PYURF: variants seen among roughly 807,000 people sequenced by gnomAD.
PYURF encodes the protein PIGY upstream open reading frame.
PYURF carries 9 observed loss-of-function variants against 8.0 expected under a neutral mutation model. The ratio of observed to expected loss-of-function variants is 1.13; its 90% CI spans 0.68 to 1.97. The LOEUF (loss-of-function observed/expected upper bound fraction) is 1.97, where lower values mean the gene tolerates loss of function less well. Ranked by LOEUF, PYURF falls within the 30% of genes most tolerant of loss-of-function variation. PYURF has a pLI of 0.00. For synonymous variants in PYURF, 56 were observed against 68.3 expected, an observed-to-expected ratio of 0.82 and a Z score of 0.89; for missense variants, 130 against 158.0, an observed-to-expected ratio of 0.82 and a Z score of 0.95.
chr4:88,521,829 G>A lies in PYURF; in HGVS notation c.*59C>T. The A allele has an allele frequency of 6.3e-7, 1 of 1,581,704 alleles. No individual in the cohort carries two copies. Among genetic ancestry groups the A allele is most frequent in the African/African-American group, 1.4e-5 (1 of 73,820 alleles). On this transcript the variant is annotated 3_prime_UTR_variant, in exon 2 of 2. Transcript: ENST00000273968. ...TATTACCTGCCACTGTGTTTTAAAA[G>A]GTATATGGTATTAAGAAAAGTTGGC... is the stretch of plus-strand genomic sequence containing the variant.
chr4:88,521,149 T>C lies in PYURF; in HGVS notation c.*739A>G. 6.3e-6 allele frequency: 1 copy of C among 158,438 alleles called. No individual in the cohort carries two copies. The highest frequency in any genetic ancestry group is 1.9e-4 in the East Asian group (1 of 5,404). The allele number at this position is 158,438 out of a possible 1,614,324, so 9.8% of individuals were successfully genotyped here. On this transcript the variant is annotated 3_prime_UTR_variant, in exon 2 of 2. Transcript: ENST00000273968. ...TTTATATCACATTCGTTCAAATGCATTTCTCTCCCTTAGAGGGACTATTCC... is the reference window on the plus strand; with the variant it reads ...TTTATATCACATTCGTTCAAATGCACTTCTCTCCCTTAGAGGGACTATTCC...
rs1560624566 is a variant in PYURF at position 88,523,517 on chromosome 4, G to A, written c.184C>T (p.Leu62Phe). The change falls in exon 1 of 2, where the codon CTC (leucine) becomes TTC (phenylalanine). Residue 62 changes from leucine (L) to phenylalanine (F), a missense_variant. Transcript: ENST00000273968. ...AGTTACCTGAGCGGCTTCTTGGAGA[G>A]CGGGCACACCAGGAACTCCAGCAGC... ...PALLEFLVCP[L>F]SKKPLRYEAS... The A allele has an allele frequency of 6.4e-7, 1 of 1,551,320 alleles. No individual in the cohort carries two copies. Among genetic ancestry groups the A allele is most frequent in the South Asian group, 1.2e-5 (1 of 84,066 alleles).
In PYURF at chr4:88,523,614, G is replaced by C; in HGVS notation, c.87C>G (p.His29Gln). 1 of 1,548,318 alleles carries C rather than the reference G, an allele frequency of 6.5e-7. No homozygotes were observed. Among genetic ancestry groups the C allele is most frequent in the Non-Finnish European group, 8.7e-7 (1 of 1,146,472 alleles). ...CGGCCAAAGGCCGCGACCCCGACGC[G>C]TGCAGGCACCTACGGGCGACCGCGG... is the stretch of plus-strand genomic sequence containing the variant. ...PPSAVARRCLHASGSRPLADR... is the reference protein window; with the variant it reads ...PPSAVARRCLQASGSRPLADR... The change falls in exon 1 of 2, where the codon CAC (histidine) becomes CAG (glutamine). Residue 29 changes from histidine to glutamine, a missense_variant. By Grantham distance (24) the His-to-Gln change is conservative (BLOSUM62 0). Coordinates refer to ENST00000273968, the MANE Select transcript of PYURF (RefSeq NM_032906.5).
In PYURF at chr4:88,523,664, G is replaced by A. The variant is rs777486464; in HGVS notation, c.37C>T (p.Leu13=). 2.5e-5 allele frequency: 38 copies of A among 1,529,708 alleles called. No homozygotes were observed. In the African/African-American group the frequency reaches 4.1e-4, roughly 17 times the overall value. The allele number at this position is 1,529,708 out of a possible 1,614,324, so 94.8% of individuals were successfully genotyped here. ...GACGGCGGCGCGCGCGTTCCCCGCA[G>A]CGCTGAGGCGAGCCTGCAGCGTGCT... is the stretch of plus-strand genomic sequence containing the variant. ...SGARCRLASA[L]RGTRAPPSAV... is the part of the protein sequence containing the mutation. The change falls in exon 1 of 2, where the codon CTG becomes TTG. Residue 13 remains leucine (L), a synonymous_variant. Transcript: ENST00000273968.
intron 1 of PYURF, among the ~76,000 whole-genome samples, chr4:88,523,109 A>G (rs976463122): frequency 1.5e-4 from 19 of 125,884 alleles, no homozygotes; most frequent in African/African-American, 6.5e-4. Context: ...TCTTAAAAGG[A>G]AAAAAAAAAA....
At position 88,521,764 on chromosome 4, in the gene PYURF, G is replaced by A. The variant is rs1404700621; in HGVS notation, c.*124C>T. On this transcript the variant is annotated 3_prime_UTR_variant, in exon 2 of 2. Coordinates refer to ENST00000273968, the MANE Select transcript of PYURF (RefSeq NM_032906.5). ...TAAAGAAACCAGTGGAATAAGAACA[G>A]TCAACGTAGGAAGAGACAGAAACAT... is the stretch of plus-strand genomic sequence containing the variant. The A allele has an allele frequency of 1.9e-6, 3 of 1,613,180 alleles. No individual in the cohort carries two copies. Among genetic ancestry groups the A allele is most frequent in the Non-Finnish European group, 2.5e-6 (3 of 1,179,558 alleles).
chr4:88,522,086 G>A, intron 1 of PYURF, 57 bp from the exon 2 acceptor site: 1 of 1,457,246 alleles, frequency 6.9e-7, no homozygotes, highest in Non-Finnish European at 9.1e-7. Flanking sequence ...TGCTTGAAGA[G>A]CCTGATTTTC....
At chr4:88,523,263 G>C (rs1578078171) in intron 1 of PYURF, among the ~76,000 whole-genome samples, 1 of 152,192 alleles carries the variant, frequency 6.6e-6, no homozygotes, top group African/African-American at 2.4e-5. Context: ...AAAACGCTTC[G>C]AGCCATTCCC....
Position 88,521,350 on chromosome 4 carries a change from G to A in PYURF, c.*538C>T, listed in dbSNP as rs1178498177. ...TCTCCAACCAAGACACTGTCAAAATGTTTCTTCTGATACAGCAGTTATAAG... is the reference window on the plus strand; with the variant it reads ...TCTCCAACCAAGACACTGTCAAAATATTTCTTCTGATACAGCAGTTATAAG... On this transcript the variant is annotated 3_prime_UTR_variant, in exon 2 of 2. Transcript: ENST00000273968. 2.5e-5 allele frequency: 13 copies of A among 513,832 alleles called. No homozygotes were observed. In the East Asian group the frequency reaches 3.7e-4, roughly 15 times the overall value. The allele number at this position is 513,832 out of a possible 1,614,324, so 31.8% of individuals were successfully genotyped here. A position where few individuals can be genotyped will look rare whatever the true frequency, so the allele number is the denominator to read the frequency against.
At position 88,521,546 on chromosome 4, in the gene PYURF, T is replaced by C; in HGVS notation, c.*342A>G. 1.3e-6 allele frequency: 2 copies of C among 1,548,166 alleles called. No homozygotes were observed. The highest frequency in any genetic ancestry group is 1.8e-6 in the Non-Finnish European group (2 of 1,121,956). On this transcript the variant is annotated 3_prime_UTR_variant, in exon 2 of 2. Transcript: ENST00000273968. ...ATCGATGCCCAAGAGCTATCATTAA[T>C]ATATACAGCATATTGACTCTAGTTG...
Position 88,523,621 on chromosome 4 carries a change from C to G in PYURF, c.80G>C (p.Cys27Ser). The change falls in exon 1 of 2, where the codon TGC (cysteine) becomes TCC (serine). Residue 27 changes from cysteine to serine, a missense_variant. Coordinates refer to ENST00000273968, the MANE Select transcript of PYURF (RefSeq NM_032906.5). ...AGGCCGCGACCCCGACGCGTGCAGG[C>G]ACCTACGGGCGACCGCGGACGGCGG... is the stretch of plus-strand genomic sequence containing the variant. ...RAPPSAVARR[C>S]LHASGSRPLA... 6.5e-7 allele frequency: 1 copy of G among 1,545,556 alleles called. No individual in the cohort carries two copies. Among genetic ancestry groups the G allele is most frequent in the Non-Finnish European group, 8.7e-7 (1 of 1,145,404 alleles).
intron 1 of PYURF, among the ~76,000 whole-genome samples, chr4:88,522,653 A>G (rs1217376157): frequency 2.0e-5 from 3 of 152,242 alleles, no homozygotes; most frequent in Non-Finnish European, 4.4e-5. Flanking sequence ...ATAACCACTG[A>G]TAACATTTTG....
In PYURF at chr4:88,523,591, G is replaced by A. The variant is rs1401283490; in HGVS notation, c.110C>T (p.Ala37Val). 6.5e-7 allele frequency: 1 copy of A among 1,549,200 alleles called. No individual in the cohort carries two copies. The highest frequency in any genetic ancestry group is 8.7e-7 in the Non-Finnish European group (1 of 1,146,720). ...CLHASGSRPL[A>V]DRGKKTEEPP... ...CTCCTCAGTCTTCTTGCCCCGGTCG[G>A]CCAAAGGCCGCGACCCCGACGCGTG... The change falls in exon 1 of 2, where the codon GCC becomes GTC. Residue 37 changes from alanine to valine, a missense_variant. Physicochemically the swap from Ala to Val is moderately conservative, Grantham distance 64. Transcript: ENST00000273968.
intron 1 of PYURF, among the ~76,000 whole-genome samples, chr4:88,523,102 TAAAAGGAAAAAAA>T (rs1431743450): frequency 7.4e-6 from 1 of 135,394 alleles, no homozygotes; most frequent in Non-Finnish European, 1.5e-5. Flanking sequence ...CCCTGTCTCT[TAAAAGGAAAAAAA>T]AAAAGGAAAA....
Position 88,523,527 on chromosome 4 carries a change from C to A in PYURF, c.174G>T (p.Leu58=). The change falls in exon 1 of 2, where the codon CTG becomes CTT. Residue 58 remains leucine, a synonymous_variant. Transcript: ENST00000273968. ...GCGGCTTCTTGGAGAGCGGGCACACCAGGAACTCCAGCAGCGCCGGATCGA... is the reference window on the plus strand; with the variant it reads ...GCGGCTTCTTGGAGAGCGGGCACACAAGGAACTCCAGCAGCGCCGGATCGA... The part of the protein sequence containing the change: ...RDFDPALLEF[L]VCPLSKKPLR... 1.3e-6 allele frequency: 2 copies of A among 1,551,288 alleles called. No individual in the cohort carries two copies. Among genetic ancestry groups the A allele is most frequent in the Non-Finnish European group, 1.7e-6 (2 of 1,146,874 alleles).
chr4:88,523,579 T>C lies in PYURF; in HGVS notation c.122A>G (p.Lys41Arg). The C allele has an allele frequency of 6.5e-7, 1 of 1,550,354 alleles. No individual in the cohort carries two copies. The change falls in exon 1 of 2, where the codon AAG becomes AGG. Residue 41 changes from lysine (K) to arginine (R), a missense_variant. Physicochemically the swap from Lys to Arg is conservative, Grantham distance 26. Transcript: ENST00000273968. ...SGSRPLADRG[K>R]KTEEPPRDFD... ...GTCGCGGGGCGGCTCCTCAGTCTTC[T>C]TGCCCCGGTCGGCCAAAGGCCGCGA... is the stretch of plus-strand genomic sequence containing the variant.
chr4:88,523,356 G>T, intron 1 of PYURF, 142 bp downstream of exon 1: 1 of 871,194 alleles, frequency 1.1e-6, no homozygotes, highest in Non-Finnish European at 1.8e-6. Flanking sequence ...CTGTGCGCCC[G>T]GCGAGGACAG....
rs1165308890 is a variant in PYURF at position 88,522,049 on chromosome 4, A to G, written c.204-20T>C. 6.6e-7 allele frequency: 1 copy of G among 1,519,670 alleles called. No homozygotes were observed. Among genetic ancestry groups the G allele is most frequent in the Non-Finnish European group, 8.8e-7 (1 of 1,134,566 alleles). The allele number at this position is 1,519,670 out of a possible 1,614,324, so 94.1% of individuals were successfully genotyped here. On this transcript the variant is annotated intron_variant, in intron 1 of 1. Transcript: ENST00000273968. ...TCATATCTGAGGTGGAAAAAAAAAG[A>G]ACAAAATGAGTTGTGGGAAAATAAA... is the stretch of plus-strand genomic sequence containing the variant.
Position 88,523,606 on chromosome 4 carries a change from C to G in PYURF, c.95G>C (p.Gly32Ala). Residue 32 changes from glycine (G) to alanine (A), a missense_variant, in exon 1 of 2, where the codon GGG (glycine) becomes GCG (alanine). Transcript: ENST00000273968. ...GCCCCGGTCGGCCAAAGGCCGCGAC[C>G]CCGACGCGTGCAGGCACCTACGGGC... is the stretch of plus-strand genomic sequence containing the variant. The part of the protein sequence containing the change: ...AVARRCLHAS[G>A]SRPLADRGKK... 1 of 1,548,944 alleles carries G rather than the reference C, an allele frequency of 6.5e-7. No individual in the cohort carries two copies. The highest frequency in any genetic ancestry group is 8.7e-7 in the Non-Finnish European group (1 of 1,146,618).
Sources: gnomAD v4.1 joint callset for allele counts (sites outside exome capture counted in the v4.1 genomes callset) on GRCh38, gnomAD v4.1.1 for gene constraint, MANE v1.5 for transcripts, NCBI Gene and HGNC (gene_info 2026-07-23, HGNC 2026-07-21) for gene names.